Variants in ATP4A observed in about 807,000 individuals in gnomAD.
The protein encoded by ATP4A is potassium-transporting ATPase alpha chain 1.
A neutral mutation model predicts 112.1 loss-of-function variants in ATP4A; 73 were observed. The observed-to-expected ratio is 0.65, with a 90% CI of 0.54 to 0.79. The LOEUF (loss-of-function observed/expected upper bound fraction) is 0.79. ATP4A is among the 30% of genes least tolerant of loss of function. The probability of loss-of-function intolerance (pLI) is 0.00; values close to 1 mark genes in which losing one functional copy is unlikely to be tolerated. For missense variants in ATP4A, 1,081 were observed against 1,425.9 expected (o/e 0.76, Z 3.90); for synonymous variants, 588 against 588.9 (o/e 1.00, Z 0.02).
At chr19:35,553,460 AAGAC>A (rs1021070412) in intron 17 of ATP4A, among the ~76,000 whole-genome samples, 4 of 152,182 alleles carry the variant, frequency 2.6e-5, no homozygotes, top group African/African-American at 9.7e-5. Flanking sequence ...AGGACCCAAA[AAGAC>A]AGAAATAGGC....
At position 35,558,090 on chromosome 19, in the gene ATP4A, T is replaced by G; in HGVS notation, c.1501-243A>C. ...CCTGGACGCAGGGAATGAACAGAAT[T>G]AGGGTGCGGAGTTGGGCTGGGGGCG... On this transcript the variant is annotated intron_variant, in intron 10 of 21. Coordinates refer to ENST00000262623, the MANE Select transcript of ATP4A (RefSeq NM_000704.3). The surrounding 1 kb of genome is among the most constrained non-coding windows in gnomAD (Gnocchi z 5.1). 1.6e-6 allele frequency: 1 copy of G among 607,718 alleles called. No individual in the cohort carries two copies. The highest frequency in any genetic ancestry group is 2.1e-5 in the South Asian group (1 of 48,394). The allele number at this position is 607,718 out of a possible 1,614,324, so 37.6% of individuals were successfully genotyped here.
chr19:35,560,495 C>T lies in ATP4A; in HGVS notation c.655G>A (p.Ala219Thr), dbSNP rs374651698. The change falls in exon 6 of 22, where the codon GCC becomes ACC. Residue 219 changes from alanine (A) to threonine (T), a missense_variant. Transcript: ENST00000262623. This position sits in a 1 kb window ranked among gnomAD's most constrained non-coding sequence, Gnocchi z 5.1. ...GAGTTGTCCACCTTGCAGCCCTGGG[C>T]CGCCAGGATGCGGATGTCGGCGGGC... ...RVPADIRILA[A>T]QGCKVDNSSL... 2.5e-6 allele frequency: 4 copies of T among 1,613,476 alleles called. No individual in the cohort carries two copies. Among genetic ancestry groups the T allele is most frequent in the African/African-American group, 2.7e-5 (2 of 74,932 alleles).
intron 16 of ATP4A, 86 bp downstream of exon 16, chr19:35,554,836 C>T: frequency 6.4e-7 from 1 of 1,558,092 alleles, no homozygotes; most frequent in Non-Finnish European, 8.8e-7. Context: ...CCAAGAGTGT[C>T]TGTGGTGGTC....
At position 35,558,200 on chromosome 19, in the gene ATP4A, T is replaced by G. The variant is rs1044993358; in HGVS notation, c.1500+162A>C. 4.0e-5 allele frequency among the ~76,000 whole-genome samples: 6 copies of G among 150,458 alleles called. No individual in the cohort carries two copies. The highest frequency in any genetic ancestry group is 5.9e-5 in the Non-Finnish European group (4 of 67,514). On this transcript the variant is annotated intron_variant, in intron 10 of 21. Coordinates refer to ENST00000262623, the MANE Select transcript of ATP4A (RefSeq NM_000704.3). The surrounding 1 kb of genome is among the most constrained non-coding windows in gnomAD (Gnocchi z 5.1). ...GCTGGGTGGTGGGCGGGGCCTTGCC[T>G]CTGGTGGACGGGGCCATAGGCGGAG...
rs2071603972 is a variant in ATP4A at position 35,551,854 on chromosome 19, AG to A, written c.2752-275del. ...CTGGGCCGACTGCTTTCATAGTGAA[AG>A]GGGGGAGGCACCCAAAAGAAAGGGC... On this transcript the variant is annotated intron_variant, in intron 18 of 21. Transcript: ENST00000262623. The surrounding 1 kb of genome is among the most constrained non-coding windows in gnomAD (Gnocchi z 5.2). Among the ~76,000 whole-genome samples the A allele has an allele frequency of 6.6e-6, 1 of 152,054 alleles. No homozygotes were observed. The highest frequency in any genetic ancestry group is 6.5e-5 in the Admixed American group (1 of 15,278).
rs909067 is a variant in ATP4A, at chr19:35,557,862, G to C, written c.1501-15C>G. The stretch of plus-strand genomic sequence containing the variant: ...TGGATGGACAGCTGTGGGCGGGGGG[G>C]AGAGGCGAGGCTGTGGACGGGGGAA... On this transcript the variant is annotated splice_polypyrimidine_tract_variant and intron_variant, in intron 10 of 21. Coordinates refer to ENST00000262623, the MANE Select transcript of ATP4A (RefSeq NM_000704.3). The surrounding 1 kb of genome is among the most constrained non-coding windows in gnomAD (Gnocchi z 4.4). 1 of 1,453,380 alleles carries C rather than the reference G, an allele frequency of 6.9e-7. No homozygotes were observed. 90.0% of individuals were successfully genotyped at this position (1,453,380 alleles called of 1,614,324 possible). A position where few individuals can be genotyped will look rare whatever the true frequency, so the allele number is the denominator to read the frequency against.
At chr19:35,553,911 T>C (rs987023880) in intron 16 of ATP4A, 82 bp from the exon 17 acceptor site, 20 of 1,504,016 alleles carry the variant, frequency 1.3e-5, no homozygotes, top group Non-Finnish European at 1.7e-5. Context: ...TTCCCCCACT[T>C]GTGAGCAGGA....
rs1320012954 is a variant in ATP4A at position 35,553,691 on chromosome 19, C to T, written c.2605+15G>A. 6 of 1,612,260 alleles carry T rather than the reference C, an allele frequency of 3.7e-6. No individual in the cohort carries two copies. Among genetic ancestry groups the T allele is most frequent in the Admixed American group, 1.7e-5 (1 of 59,908 alleles). On this transcript the variant is annotated intron_variant, in intron 17 of 21. Transcript: ENST00000262623. Reference sequence around the variant, plus strand: ...AGCCCCCCACCTCCAGGCTCCCCGGCCCACGGGCACCCACCAATCTGGAAG... The same window carrying T: ...AGCCCCCCACCTCCAGGCTCCCCGGTCCACGGGCACCCACCAATCTGGAAG...
Position 35,551,290 on chromosome 19 carries a change from G to T in ATP4A, c.2885+157C>A, listed in dbSNP as rs1019889298. On this transcript the variant is annotated intron_variant, in intron 19 of 21. Transcript: ENST00000262623. The surrounding 1 kb of genome is among the most constrained non-coding windows in gnomAD (Gnocchi z 5.2). The stretch of plus-strand genomic sequence containing the variant: ...TTTAGTGAAATGTGGAGGGGGCCGT[G>T]GGGGGAGTTATTGGCCAGTTAGAAA... Among the ~76,000 whole-genome samples, 7 of 152,148 alleles carry T rather than the reference G, an allele frequency of 4.6e-5. No homozygotes were observed. The highest frequency in any genetic ancestry group is 1.7e-4 in the African/African-American group (7 of 41,418).
chr19:35,557,510 A>G lies in ATP4A; in HGVS notation c.1693+145T>C. On this transcript the variant is annotated intron_variant, in intron 11 of 21. Transcript: ENST00000262623. The surrounding 1 kb of genome is among the most constrained non-coding windows in gnomAD (Gnocchi z 4.4). Reference sequence around the variant, plus strand: ...GACAGGGGTCAGGACTGGTACAGGGAAAGTCAAGGGTGAGGCTGTGGACTG... The same window carrying G: ...GACAGGGGTCAGGACTGGTACAGGGGAAGTCAAGGGTGAGGCTGTGGACTG... The G allele has an allele frequency of 1.0e-6, 1 of 1,004,046 alleles. No individual in the cohort carries two copies. The highest frequency in any genetic ancestry group is 2.7e-5 in the Admixed American group (1 of 37,182). 62.2% of individuals were successfully genotyped at this position (1,004,046 alleles called of 1,614,324 possible).
At position 35,558,439 on chromosome 19, in the gene ATP4A, G is replaced by C. The variant is rs758812621; in HGVS notation, c.1423C>G (p.Leu475Val). 2 of 1,606,446 alleles carry C rather than the reference G, an allele frequency of 1.2e-6. No homozygotes were observed. The highest frequency in any genetic ancestry group is 1.1e-5 in the South Asian group (1 of 89,634). ...TCCCGGTAGCCCATGGCGTTGCCCA[G>C]CGTCAGCTCCGAGAACTTGAGCAGC... ...TALLKFSELT[L>V]GNAMGYRDRF... Residue 475 changes from leucine (L) to valine (V), a missense_variant, in exon 10 of 22, where the codon CTG (leucine) becomes GTG (valine). Around this residue, in one of 3 missense-constraint regions of ATP4A, gnomAD observed 850 missense variants for 1,068.2 expected, o/e 0.80. Transcript: ENST00000262623. This position sits in a 1 kb window ranked among gnomAD's most constrained non-coding sequence, Gnocchi z 5.1.
rs149907700 is a variant in ATP4A at position 35,560,598 on chromosome 19, G to A, written c.552C>T (p.Arg184=). The change falls in exon 6 of 22, where the codon CGC becomes CGT. Residue 184 remains arginine (R), a synonymous_variant. Coordinates refer to ENST00000262623, the MANE Select transcript of ATP4A (RefSeq NM_000704.3). This position sits in a 1 kb window ranked among gnomAD's most constrained non-coding sequence, Gnocchi z 5.1. ...NLVPQQATVI[R]DGDKFQINAD... is the part of the protein sequence containing the mutation. ...CGTTGATCTGGAATTTGTCTCCATC[G>A]CGGATGACAGTGGCTTGCTGCGGGG... 109 of 1,611,870 alleles carry A rather than the reference G, an allele frequency of 6.8e-5. No homozygotes were observed. Among genetic ancestry groups the A allele is most frequent in the Admixed American group, 4.3e-4 (26 of 59,948 alleles).
intron 17 of ATP4A, 105 bp from the exon 18 acceptor site, chr19:35,553,287 A>T: frequency 7.5e-7 from 1 of 1,336,594 alleles, no homozygotes; most frequent in Non-Finnish European, 1.0e-6. Context: ...ACAAAGGTCA[A>T]GGACACACAG....
rs972739160 is a variant in ATP4A, at chr19:35,560,720, T to C, written c.534+99A>G. On this transcript the variant is annotated intron_variant, in intron 5 of 21. Coordinates refer to ENST00000262623, the MANE Select transcript of ATP4A (RefSeq NM_000704.3). This position sits in a 1 kb window ranked among gnomAD's most constrained non-coding sequence, Gnocchi z 5.1. ...GAGAGCTGGGACCCATGGGGAGAGA[T>C]GGAGGCCACAGATGAGGGACAGGGG... 7.5e-5 allele frequency: 118 copies of C among 1,580,078 alleles called. No individual in the cohort carries two copies. Among genetic ancestry groups the C allele is most frequent in the Non-Finnish European group, 9.5e-5 (110 of 1,151,950 alleles).
In ATP4A at chr19:35,555,388, A is replaced by C. The variant is rs1438952280; in HGVS notation, c.2157+52T>G. 1.3e-6 allele frequency: 2 copies of C among 1,594,072 alleles called. No homozygotes were observed. Among genetic ancestry groups the C allele is most frequent in the African/African-American group, 2.7e-5 (2 of 74,752 alleles). ...GGGTGGTCAGTGAGAGGCCGGTCCAAGACCAGCCCCGCCTGTCTGCCCGCC... is the reference window on the plus strand; with the variant it reads ...GGGTGGTCAGTGAGAGGCCGGTCCACGACCAGCCCCGCCTGTCTGCCCGCC... On this transcript the variant is annotated intron_variant, in intron 14 of 21. Transcript: ENST00000262623. The surrounding 1 kb of genome is among the most constrained non-coding windows in gnomAD (Gnocchi z 6.6).
At position 35,562,473 on chromosome 19, in the gene ATP4A, T is replaced by C; in HGVS notation, c.382A>G (p.Ile128Val). ...AAAICLIAFAIQASEGDLTTD... is the reference protein window; with the variant it reads ...AAAICLIAFAVQASEGDLTTD... ...GTGAGGTCCCCCTCACTAGCCTGGA[T>C]GGCAAAGGCGATGAGGCAGATGGCG... The change falls in exon 4 of 22, where the codon ATC becomes GTC. Residue 128 changes from isoleucine (I) to valine (V), a missense_variant. Around this residue, in one of 3 missense-constraint regions of ATP4A, gnomAD observed 850 missense variants for 1,068.2 expected, o/e 0.80. Coordinates refer to ENST00000262623, the MANE Select transcript of ATP4A (RefSeq NM_000704.3). 1 of 1,614,154 alleles carries C rather than the reference T, an allele frequency of 6.2e-7. No individual in the cohort carries two copies. The highest frequency in any genetic ancestry group is 8.5e-7 in the Non-Finnish European group (1 of 1,180,014).
intron 3 of ATP4A, among the ~76,000 whole-genome samples, chr19:35,562,972 C>G (rs2071680616): frequency 6.6e-6 from 1 of 151,420 alleles, no homozygotes; most frequent in African/African-American, 2.4e-5. Flanking sequence ...TCCCTTCTCT[C>G]CCTCTCCCTC....
At position 35,558,717 on chromosome 19, in the gene ATP4A, C is replaced by A; in HGVS notation, c.1256-31G>T. 1.3e-6 allele frequency: 2 copies of A among 1,552,434 alleles called. No homozygotes were observed. The highest frequency in any genetic ancestry group is 2.4e-5 in the South Asian group (2 of 84,886). ...GACCAGGCGTCCAGGCTGGGTCCCGCACGGCGGCTCTCCCGGACCAGAACC... is the reference window on the plus strand; with the variant it reads ...GACCAGGCGTCCAGGCTGGGTCCCGAACGGCGGCTCTCCCGGACCAGAACC... On this transcript the variant is annotated intron_variant, in intron 8 of 21. Transcript: ENST00000262623. This position sits in a 1 kb window ranked among gnomAD's most constrained non-coding sequence, Gnocchi z 5.1.
chr19:35,554,855 T>C (rs2071621174), intron 16 of ATP4A, 67 bp downstream of exon 16: 3 of 1,599,894 alleles, frequency 1.9e-6, no homozygotes, highest in Middle Eastern at 2.0e-4. Context: ...TCTCTGTCCC[T>C]CCTGTCCATC....
Sources: allele counts gnomAD v4.1 joint callset (sites outside exome capture counted in the v4.1 genomes callset), GRCh38; gene constraint gnomAD v4.1.1; regional missense constraint gnomAD v4.1.1; non-coding constraint Gnocchi (gnomAD v3.1); transcripts MANE v1.5; gene names NCBI Gene and HGNC (gene_info 2026-07-23, HGNC 2026-07-21).